MRAP: variants seen among roughly 807,000 people sequenced by gnomAD.
MRAP encodes melanocortin 2 receptor accessory protein.
In MRAP, 8 loss-of-function variants were observed where a neutral mutation model predicts 8.7. That is an observed-to-expected ratio of 0.92 (90% CI 0.54 to 1.66). The LOEUF (loss-of-function observed/expected upper bound fraction) is 1.66, where lower values mean the gene tolerates loss of function less well. MRAP is among the 40% of genes most tolerant of loss of function. The probability of loss-of-function intolerance (pLI) is 0.00; values close to 1 mark genes in which losing one functional copy is unlikely to be tolerated. For synonymous variants in MRAP, 95 were observed against 95.5 expected (o/e 1.00, Z 0.03); for missense variants, 237 against 217.1 (o/e 1.09, Z -0.58).
intron 1 of MRAP, among the ~76,000 whole-genome samples, chr21:32,304,572 G>A (rs538927722): frequency 1.3e-5 from 2 of 151,928 alleles, no homozygotes; most frequent in African/African-American, 4.8e-5. Flanking sequence ...CCGAGATTGT[G>A]CCACTGCACT....
At chr21:32,295,067 G>A (rs773833483), upstream of MRAP, among the ~76,000 whole-genome samples, 1 of 151,470 alleles carries the variant, frequency 6.6e-6, no homozygotes, top group Non-Finnish European at 1.5e-5. Context: ...ATGGATAGTG[G>A]TATCACTACT....
Position 32,306,677 on chromosome 21 carries a change from C to G in MRAP, c.144C>G (p.Ala48=). ...TCGCATTCTGGGTGAGCCTGGCTGC[C>G]TTCGTGGTGCTGCTCTTCCTCATCT... ...IVIAFWVSLA[A]FVVLLFLILL... is the part of the protein sequence containing the mutation. Residue 48 remains alanine (A), a synonymous_variant, in exon 2 of 3, where the codon GCC becomes GCG. Transcript: ENST00000303645. 1 of 1,614,126 alleles carries G rather than the reference C, an allele frequency of 6.2e-7. No individual in the cohort carries two copies. Among genetic ancestry groups the G allele is most frequent in the Middle Eastern group, 1.6e-4 (1 of 6,062 alleles).
chr21:32,300,742 G>GA (rs141448542), intron 1 of MRAP, among the ~76,000 whole-genome samples: 37 of 15,012 alleles, frequency 2.5e-3, no homozygotes, highest in East Asian at 6.9e-3. Context: ...TCCTATGTCA[G>GA]TGTGTCGTGC....
intron 2 of MRAP, among the ~76,000 whole-genome samples, chr21:32,310,364 G>A (rs940922076): frequency 4.6e-5 from 7 of 152,252 alleles, no homozygotes; most frequent in African/African-American, 1.7e-4. Context: ...GAGGGAGGTG[G>A]GGAGAGCATT....
chr21:32,307,622 T>C (rs1285697163), intron 2 of MRAP, among the ~76,000 whole-genome samples: 2 of 150,684 alleles, frequency 1.3e-5, no homozygotes, highest in African/African-American at 4.9e-5. Flanking sequence ...CCAGGCCCAG[T>C]AGCTCACACC....
Position 32,299,053 on chromosome 21 carries a change from GAGA to G in MRAP, c.88_90del (p.Lys30del), listed in dbSNP as rs1195948693. The G allele has an allele frequency of 6.2e-7, 1 of 1,613,936 alleles. No homozygotes were observed. Among genetic ancestry groups the G allele is most frequent in the East Asian group, 2.2e-5 (1 of 44,884 alleles). ...CTATCTGGACCTCATTCCCGTGGAC[GAGA>G]AGAAGCTGAAAGCCCACAAACGTAA... On this transcript the variant is annotated inframe_deletion, in exon 1 of 3. Coordinates refer to ENST00000303645, the MANE Select transcript of MRAP (RefSeq NM_001379228.1).
Position 32,311,949 on chromosome 21 carries a change from C to A in MRAP, c.472C>A (p.Pro158Thr). 6.2e-7 allele frequency: 1 copy of A among 1,613,586 alleles called. No homozygotes were observed. The highest frequency in any genetic ancestry group is 8.5e-7 in the Non-Finnish European group (1 of 1,180,050). ...TGGGGGTCCCCTCGTCAGGAGCAAG[C>A]CCAGCGAGCCTCCCCCTGGAGACAG... Reference protein sequence around the residue: ...LNGGPLVRSKPSEPPPGDRTS... With the variant: ...LNGGPLVRSKTSEPPPGDRTS... Residue 158 changes from proline to threonine, a missense_variant, in exon 3 of 3, where the codon CCC becomes ACC. Coordinates refer to ENST00000303645, the MANE Select transcript of MRAP (RefSeq NM_001379228.1).
At chr21:32,298,759 G>C (rs1182360690), upstream of MRAP, 3 of 523,932 alleles carry the variant, frequency 5.7e-6, no homozygotes, top group African/African-American at 5.8e-5. Context: ...CAGATGGGAA[G>C]CTCTGCTGGA....
rs563644336 is a variant in MRAP, at chr21:32,300,426, G to A, written c.106+1349G>A. 7.4e-5 allele frequency among the ~76,000 whole-genome samples: 11 copies of A among 147,906 alleles called. No homozygotes were observed. In the South Asian group the frequency reaches 1.1e-3, roughly 15 times the overall value. ...TCGGATGCATCACGCGTCCTGCGTC[G>A]GATGCGTCATGCGTCCTATGTCAGA... On this transcript the variant is annotated intron_variant, in intron 1 of 2. Coordinates refer to ENST00000303645, the MANE Select transcript of MRAP (RefSeq NM_001379228.1).
chr21:32,309,005 C>T lies in MRAP; in HGVS notation c.206+2266C>T, dbSNP rs140667043. Among the ~76,000 whole-genome samples the T allele has an allele frequency of 4.1e-3, 617 of 152,212 alleles. 3 individuals are homozygous for T. The highest frequency in any genetic ancestry group is 0.021 in the East Asian group (110 of 5,180). On this transcript the variant is annotated intron_variant, in intron 2 of 2. Transcript: ENST00000303645. Reference sequence around the variant, plus strand: ...CAGGTCCCGTGAAGAGCCGTGGACTCGCGCATTGGCACAGCGTCTTAGTGT... The same window carrying T: ...CAGGTCCCGTGAAGAGCCGTGGACTTGCGCATTGGCACAGCGTCTTAGTGT...
downstream of MRAP, chr21:32,313,967 C>T (rs568921960): frequency 2.6e-5 from 4 of 153,504 alleles, no homozygotes; most frequent in Admixed American, 2.6e-4. Context: ...CAAAAATAGA[C>T]ATTAACAAGC....
At chr21:32,294,623 T>C (rs1389203059), upstream of MRAP, among the ~76,000 whole-genome samples, 1 of 152,226 alleles carries the variant, frequency 6.6e-6, no homozygotes, top group Non-Finnish European at 1.5e-5. Flanking sequence ...TTTAACTTTC[T>C]TTCCAGTATG....
chr21:32,305,544 GGGGTGGAACATTGTGGGTGAATGA>G (rs1290250930), intron 1 of MRAP, among the ~76,000 whole-genome samples: 4 of 152,266 alleles, frequency 2.6e-5, no homozygotes, highest in African/African-American at 7.2e-5. Context: ...GAGGAGGTTG[GGGGTGGAACATTGTGGGTGAATGA>G]GGGGAGTTAG....
In MRAP at chr21:32,310,488, T is replaced by C. The variant is rs185221771; in HGVS notation, c.207-1196T>C. Among the ~76,000 whole-genome samples the C allele has an allele frequency of 8.2e-4, 125 of 152,308 alleles. 2 individuals are homozygous for C. In the South Asian group the frequency reaches 0.014, roughly 17 times the overall value. On this transcript the variant is annotated intron_variant, in intron 2 of 2. Transcript: ENST00000303645. ...TTAAGTCGTTTTATACATCATCTCA[T>C]TTCATCCTGAGGATATCTGTGAGCC...
chr21:32,305,293 T>G (rs1207723422), intron 1 of MRAP, among the ~76,000 whole-genome samples: 1 of 152,134 alleles, frequency 6.6e-6, no homozygotes, highest in Non-Finnish European at 1.5e-5. Context: ...CTGTTTTTAA[T>G]GTTACATTTT....
chr21:32,311,894 C>A lies in MRAP; in HGVS notation c.417C>A (p.His139Gln). ...STLPLGGFQT[H>Q]PTLLWELTLN... ...TGCCCCTCGGGGGTTTCCAGACCCA[C>A]CCCACTCTCCTCTGGGAACTGACCC... Residue 139 changes from histidine to glutamine, a missense_variant, in exon 3 of 3, where the codon CAC (histidine) becomes CAA (glutamine). His to Gln is a conservative substitution (Grantham distance 24). Coordinates refer to ENST00000303645, the MANE Select transcript of MRAP (RefSeq NM_001379228.1). 1 of 1,614,008 alleles carries A rather than the reference C, an allele frequency of 6.2e-7. No homozygotes were observed. The highest frequency in any genetic ancestry group is 8.5e-7 in the Non-Finnish European group (1 of 1,180,040).
upstream of MRAP, among the ~76,000 whole-genome samples, chr21:32,294,098 T>C (rs2032097721): frequency 6.6e-6 from 1 of 152,134 alleles, no homozygotes; most frequent in Non-Finnish European, 1.5e-5. Flanking sequence ...TAGAGGTATC[T>C]ACTGGTTTTG....
chr21:32,302,059 C>A (rs1164581489), intron 1 of MRAP, among the ~76,000 whole-genome samples: 1 of 152,158 alleles, frequency 6.6e-6, no homozygotes, highest in African/African-American at 2.4e-5. Flanking sequence ...CAAGGTAGCA[C>A]CAGGGGCAGG....
downstream of MRAP, chr21:32,313,746 TC>T (rs1320918956): frequency 1.3e-5 from 2 of 152,172 alleles, no homozygotes; most frequent in African/African-American, 4.8e-5. Flanking sequence ...ACAGAGCAGA[TC>T]CCAAGAGCCC....
Sources: gnomAD v4.1 joint callset for allele counts (sites outside exome capture counted in the v4.1 genomes callset) on GRCh38, gnomAD v4.1.1 for gene constraint, MANE v1.5 for transcripts, NCBI Gene and HGNC (gene_info 2026-07-23, HGNC 2026-07-21) for gene names.